The following PCDH15 variants were observed in gnomAD, a reference collection of about 807,000 sequenced individuals.
The protein encoded by PCDH15 is protocadherin-15.
In PCDH15, 129 loss-of-function variants were observed where a neutral mutation model predicts 178.5. That is an observed-to-expected ratio of 0.72 (90% CI 0.63 to 0.84). The LOEUF is 0.84. Ranked by LOEUF, PCDH15 falls within the 40% of genes least tolerant of loss-of-function variation. The pLI is 0.00. For missense variants in PCDH15, 2,230 were observed against 2,099.9 expected (o/e 1.06, Z -1.21); for synonymous variants, 800 against 732.0 (o/e 1.09, Z -1.50).
chr10:55,134,086 T>C (rs1419680918), intron 2 of PCDH15, among the ~76,000 whole-genome samples: 5 of 152,140 alleles, frequency 3.3e-5, no homozygotes, highest in Non-Finnish European at 2.9e-5. Flanking sequence ...AAAAGCCAAA[T>C]TCAATTTAAT....
intron 1 of PCDH15, among the ~76,000 whole-genome samples, chr10:54,756,720 AAG>A (rs61202887): frequency 1.4e-4 from 21 of 150,846 alleles, no homozygotes; most frequent in East Asian, 7.9e-4. Flanking sequence ...ATGTATGTGA[AAG>A]AGAGAGAGAG....
chr10:55,434,806 A>T (rs1296018464), intron 2 of PCDH15, among the ~76,000 whole-genome samples: 1 of 152,004 alleles, frequency 6.6e-6, no homozygotes, highest in African/African-American at 2.4e-5. Flanking sequence ...GGGTTTCACC[A>T]TATTGGCCAG....
At chr10:54,250,353 G>T (rs770957109) in intron 8 of PCDH15, among the ~76,000 whole-genome samples, 3 of 147,650 alleles carry the variant, frequency 2.0e-5, no homozygotes, top group Non-Finnish European at 4.4e-5. Flanking sequence ...CGCAATCTCG[G>T]CTCACTGCAA....
At chr10:54,503,223 ATATG>A (rs2080862518) in intron 3 of PCDH15, among the ~76,000 whole-genome samples, 1 of 94,682 alleles carries the variant, frequency 1.1e-5, no homozygotes, top group Non-Finnish European at 2.1e-5. Flanking sequence ...ATATACATAT[ATATG>A]TGTGTGTGTG....
At chr10:54,583,221 T>G (rs2091194283) in intron 2 of PCDH15, among the ~76,000 whole-genome samples, 1 of 152,122 alleles carries the variant, frequency 6.6e-6, no homozygotes, top group Admixed American at 6.6e-5. Flanking sequence ...ACCCAAAAAT[T>G]CTCATATGAA....
intron 3 of PCDH15, among the ~76,000 whole-genome samples, chr10:54,812,451 G>T (rs1475049105): frequency 6.6e-6 from 1 of 150,660 alleles, no homozygotes; most frequent in Non-Finnish European, 1.5e-5. Flanking sequence ...TTTGTTTGTT[G>T]GTTTGTTCTG....
In PCDH15 at chr10:54,734,423, T is replaced by C. The variant is rs145233854; in HGVS notation, c.-29+66502A>G. 4.3e-4 allele frequency among the ~76,000 whole-genome samples: 65 copies of C among 152,040 alleles called. 1 individual carries two copies. The East Asian group carries it at 0.012, about 29-fold the overall frequency. ...GTTACACTAAATACCAGTGAGGAAG[T>C]AGAGCAATTGACACACTCATGCATT... On this transcript the variant is annotated intron_variant, in intron 1 of 37. Transcript: ENST00000644397.
intron 2 of PCDH15, among the ~76,000 whole-genome samples, chr10:54,637,761 T>C (rs948278381): frequency 2.0e-5 from 3 of 152,084 alleles, no homozygotes; most frequent in African/African-American, 7.2e-5. Context: ...TGGGGAGTTA[T>C]TATTCTGTTT....
At chr10:54,225,295 CAT>C (rs981875566) in intron 9 of PCDH15, among the ~76,000 whole-genome samples, 2 of 152,160 alleles carry the variant, frequency 1.3e-5, no homozygotes, top group African/African-American at 4.8e-5. Context: ...ATGATACGTT[CAT>C]ATCTGTTATT....
intron 8 of PCDH15, among the ~76,000 whole-genome samples, chr10:54,268,084 T>C (rs570080260): frequency 5.1e-4 from 78 of 151,848 alleles, no homozygotes; most frequent in Non-Finnish European, 1.0e-3. Flanking sequence ...AATAGACACA[T>C]AGACCAATGG....
At chr10:54,156,097 C>G (rs961041291) in intron 13 of PCDH15, among the ~76,000 whole-genome samples, 3 of 152,122 alleles carry the variant, frequency 2.0e-5, no homozygotes, top group African/African-American at 4.8e-5. Context: ...AAAAACAATA[C>G]TATAACTTTA....
intron 3 of PCDH15, among the ~76,000 whole-genome samples, chr10:54,488,930 TACTGCCAAATATTA>T (rs2079337278): frequency 6.6e-6 from 1 of 152,068 alleles, no homozygotes; most frequent in Non-Finnish European, 1.5e-5. Flanking sequence ...GTGAATCTTT[TACTGCCAAATATTA>T]ACAGCGCAAA....
chr10:54,947,343 T>G (rs1838221577), intron 2 of PCDH15, among the ~76,000 whole-genome samples: 2 of 151,940 alleles, frequency 1.3e-5, no homozygotes, highest in South Asian at 4.1e-4. Context: ...TAATGCAAAC[T>G]TATATCCTTG....
rs146287962 is a variant in PCDH15 at position 54,159,411 on chromosome 10, C to T, written c.1591-6118G>A. Reference sequence around the variant, plus strand: ...GATGTACCTAAGACTGAGACCCATACAGAAGAAGACATGTCAAGAAATAAG... The same window carrying T: ...GATGTACCTAAGACTGAGACCCATATAGAAGAAGACATGTCAAGAAATAAG... On this transcript the variant is annotated intron_variant, in intron 13 of 37. Transcript: ENST00000644397. 3.5e-3 allele frequency among the ~76,000 whole-genome samples: 540 copies of T among 152,190 alleles called. 5 individuals are homozygous for T. The highest frequency in any genetic ancestry group is 0.022 in the South Asian group (106 of 4,820).
rs140808945 is a variant in PCDH15 at position 54,752,509 on chromosome 10, AAAAC to A, written c.-29+48412_-29+48415del. Among the ~76,000 whole-genome samples, 608 of 89,262 alleles carry A rather than the reference AAAAC, an allele frequency of 6.8e-3. 64 individuals are homozygous for A. The highest frequency in any genetic ancestry group is 0.013 in the African/African-American group (294 of 22,646). 58.6% of individuals were successfully genotyped at this position (89,262 alleles called of 152,430 possible). On this transcript the variant is annotated intron_variant, in intron 1 of 37. Coordinates refer to ENST00000644397, the MANE Select transcript of PCDH15 (RefSeq NM_001384140.1). ...AAAAAAAACAAAAAACAAAAAACAA[AAAAC>A]AAACAAACAAACAAACAAAAAAAAA...
chr10:55,169,756 G>A (rs1839282034), intron 1 of PCDH15, among the ~76,000 whole-genome samples: 2 of 151,900 alleles, frequency 1.3e-5, no homozygotes, highest in South Asian at 4.2e-4. Context: ...AATTATCAGA[G>A]GTAATTACAA....
chr10:54,082,760 TAAA>T (rs59138402), intron 16 of PCDH15, among the ~76,000 whole-genome samples: 19 of 134,830 alleles, frequency 1.4e-4, no homozygotes, highest in Admixed American at 2.8e-4. Flanking sequence ...TTCGTCAAAA[TAAA>T]AAAAAAAAAA....
At chr10:54,383,492 A>G (rs1417153224) in intron 3 of PCDH15, among the ~76,000 whole-genome samples, 1 of 152,136 alleles carries the variant, frequency 6.6e-6, no homozygotes, top group African/African-American at 2.4e-5. Context: ...GGGAATTACC[A>G]TATTTAATTA....
intron 2 of PCDH15, among the ~76,000 whole-genome samples, chr10:55,490,998 T>C (rs1421046503): frequency 1.3e-5 from 2 of 151,814 alleles, no homozygotes; most frequent in Admixed American, 1.3e-4. Context: ...TGAAACTATT[T>C]TCTAAAATTA....
Sources: allele counts gnomAD v4.1 joint callset (sites outside exome capture counted in the v4.1 genomes callset), GRCh38; gene constraint gnomAD v4.1.1; transcripts MANE v1.5; gene names NCBI Gene and HGNC (gene_info 2026-07-23, HGNC 2026-07-21).